Variants in HNRNPLL observed in about 807,000 individuals in gnomAD.
HNRNPLL encodes the protein heterogeneous nuclear ribonucleoprotein L like.
A neutral mutation model predicts 67.1 loss-of-function variants in HNRNPLL; 25 were observed. The ratio of observed to expected loss-of-function variants is 0.37; its 90% CI spans 0.27 to 0.52. HNRNPLL has a LOEUF of 0.52. HNRNPLL is among the 20% of genes least tolerant of loss of function. The probability of loss-of-function intolerance (pLI) is 0.90; values close to 1 mark genes in which losing one functional copy is unlikely to be tolerated. For missense variants in HNRNPLL, 542 were observed against 673.9 expected (o/e 0.80, Z 2.17); for synonymous variants, 267 against 241.7 (o/e 1.10, Z -0.97).
chr2:38,574,753 T>C (rs1420533878), intron 7 of HNRNPLL, among the ~76,000 whole-genome samples: 1 of 151,770 alleles, frequency 6.6e-6, no homozygotes, highest in African/African-American at 2.4e-5. Context: ...TCTCCTTAAA[T>C]TGGTCATGGA....
chr2:38,600,221 G>A (rs952248247), intron 1 of HNRNPLL, among the ~76,000 whole-genome samples: 3 of 152,022 alleles, frequency 2.0e-5, no homozygotes, highest in Admixed American at 6.6e-5. Context: ...CCTTTCCTAG[G>A]AAACATATCA....
intron 8 of HNRNPLL, among the ~76,000 whole-genome samples, chr2:38,571,230 C>T (rs1257702511): frequency 1.3e-5 from 2 of 152,082 alleles, no homozygotes; most frequent in African/African-American, 4.8e-5. Flanking sequence ...AATAGACTAA[C>T]AAAATAATAA....
chr2:38,569,055 G>A (rs1451133169), intron 10 of HNRNPLL, 78 bp downstream of exon 10: 20 of 1,012,316 alleles, frequency 2.0e-5, no homozygotes, highest in Middle Eastern at 2.5e-4. Context: ...TGAGCAAAAC[G>A]ACTTCAAAAT....
chr2:38,574,875 A>G (rs940572705), intron 7 of HNRNPLL, among the ~76,000 whole-genome samples: 1 of 151,898 alleles, frequency 6.6e-6, no homozygotes, highest in Non-Finnish European at 1.5e-5. Flanking sequence ...CCTCTAATTT[A>G]GACTCTCATA....
At chr2:38,574,662 A>G (rs920122374) in intron 7 of HNRNPLL, among the ~76,000 whole-genome samples, 1 of 151,828 alleles carries the variant, frequency 6.6e-6, no homozygotes, top group African/African-American at 2.4e-5. Context: ...CAACACAGTA[A>G]CACCACCACC....
chr2:38,591,730 C>T lies in HNRNPLL; in HGVS notation c.190-82G>A, dbSNP rs571149858. ...GTGGCTCACGCCTGTAATCCCTGCA[C>T]TTTGGGAGGTCAAAGTGGGAGGGTC... is the stretch of plus-strand genomic sequence containing the variant. On this transcript the variant is annotated intron_variant, in intron 1 of 12. Coordinates refer to ENST00000449105, the MANE Select transcript of HNRNPLL (RefSeq NM_138394.4). 9.1e-5 allele frequency: 73 copies of T among 800,004 alleles called. 1 individual carries two copies. Among genetic ancestry groups the T allele is most frequent in the Non-Finnish European group, 1.4e-4 (68 of 484,824 alleles). 49.6% of individuals were successfully genotyped at this position (800,004 alleles called of 1,614,324 possible). A position where few individuals can be genotyped will look rare whatever the true frequency, so the allele number is the denominator to read the frequency against.
chr2:38,577,566 T>C (rs758515947), intron 6 of HNRNPLL, 34 bp from the exon 7 acceptor site: 3 of 1,401,290 alleles, frequency 2.1e-6, no homozygotes, highest in Non-Finnish European at 3.0e-6. Flanking sequence ...TTTTAACAAT[T>C]TTGACCCAAG....
intron 1 of HNRNPLL, among the ~76,000 whole-genome samples, chr2:38,595,736 T>C (rs1052961186): frequency 2.1e-4 from 32 of 152,014 alleles, no homozygotes; most frequent in South Asian, 4.1e-4. Context: ...CCCAGCTACT[T>C]GGAAGGCTGA....
At chr2:38,571,868 A>G (rs1437323795) in intron 8 of HNRNPLL, among the ~76,000 whole-genome samples, 1 of 152,192 alleles carries the variant, frequency 6.6e-6, no homozygotes, top group Non-Finnish European at 1.5e-5. Flanking sequence ...CAAAAAATCT[A>G]AGTTTTATTA....
rs1665721399 is a variant in HNRNPLL, at chr2:38,563,052, C to G, written c.*1130G>C. The G allele has an allele frequency of 6.6e-6, 1 of 152,012 alleles. No homozygotes were observed. The highest frequency in any genetic ancestry group is 2.1e-4 in the South Asian group (1 of 4,818). The allele number at this position is 152,012 out of a possible 1,614,324, so 9.4% of individuals were successfully genotyped here. ...AAAGATGAAAACAAAATGGCCACATCAGTTTTTCTATTGTAAAAAAGCTGT... is the reference window on the plus strand; with the variant it reads ...AAAGATGAAAACAAAATGGCCACATGAGTTTTTCTATTGTAAAAAAGCTGT... On this transcript the variant is annotated 3_prime_UTR_variant, in exon 13 of 13. Transcript: ENST00000449105.
rs192913354 is a variant in HNRNPLL, at chr2:38,596,526, G to C, written c.190-4878C>G. ...ACCTGCCTCAGCCTCCCGAAGTGTT[G>C]GGATTACAGCTGTGAGCCACCGCGC... On this transcript the variant is annotated intron_variant, in intron 1 of 12. Coordinates refer to ENST00000449105, the MANE Select transcript of HNRNPLL (RefSeq NM_138394.4). Among the ~76,000 whole-genome samples the C allele has an allele frequency of 3.3e-3, 508 of 152,208 alleles. 3 individuals carry two copies. The highest frequency in any genetic ancestry group is 0.012 in the African/African-American group (480 of 41,532).
chr2:38,587,093 A>C (rs1335685586), intron 2 of HNRNPLL, among the ~76,000 whole-genome samples: 1 of 152,172 alleles, frequency 6.6e-6, no homozygotes, highest in Non-Finnish European at 1.5e-5. Flanking sequence ...AGGCCAAAGA[A>C]ATGTCGGGTC....
At position 38,596,236 on chromosome 2, in the gene HNRNPLL, G is replaced by T. The variant is rs115303151; in HGVS notation, c.190-4588C>A. Among the ~76,000 whole-genome samples, 991 of 152,104 alleles carry T rather than the reference G, an allele frequency of 6.5e-3. 11 individuals are homozygous for T. Among genetic ancestry groups the T allele is most frequent in the African/African-American group, 0.021 (875 of 41,490 alleles). On this transcript the variant is annotated intron_variant, in intron 1 of 12. Transcript: ENST00000449105. ...ACTTCTTTACCTGTACTATATACTG[G>T]TGACAAGAAATCTGGTGTCATTTGT...
intron 1 of HNRNPLL, among the ~76,000 whole-genome samples, chr2:38,591,857 T>C (rs1666970167): frequency 6.6e-6 from 1 of 151,988 alleles, no homozygotes; most frequent in African/African-American, 2.4e-5. Context: ...GTGTCTGTAA[T>C]CCCAGCTACT....
chr2:38,588,486 T>A (rs1199205387), intron 2 of HNRNPLL, among the ~76,000 whole-genome samples: 2 of 141,054 alleles, frequency 1.4e-5, no homozygotes, highest in Non-Finnish European at 1.5e-5. Context: ...AGGGCAGAGG[T>A]TGCAGTGAGC....
chr2:38,602,873 C>T lies in HNRNPLL; in HGVS notation c.-247G>A, dbSNP rs1667512120. The T allele has an allele frequency of 7.7e-6, 12 of 1,549,274 alleles. No individual in the cohort carries two copies. The highest frequency in any genetic ancestry group is 1.0e-5 in the Non-Finnish European group (12 of 1,146,208). On this transcript the variant is annotated 5_prime_UTR_variant, in exon 1 of 13. Coordinates refer to ENST00000449105, the MANE Select transcript of HNRNPLL (RefSeq NM_138394.4). ...CTCAATTACCGAGCCAACATTCAGCCTCTCCCTCCTCCTCCTCCGTCTCCG... is the reference window on the plus strand; with the variant it reads ...CTCAATTACCGAGCCAACATTCAGCTTCTCCCTCCTCCTCCTCCGTCTCCG...
chr2:38,589,417 T>C (rs2148372602), intron 2 of HNRNPLL, among the ~76,000 whole-genome samples: 1 of 152,354 alleles, frequency 6.6e-6, no homozygotes, highest in East Asian at 1.9e-4. Context: ...TTGGAAGCTG[T>C]TCAAGGTTCT....
chr2:38,584,902 G>T (rs1008395306), intron 3 of HNRNPLL, among the ~76,000 whole-genome samples: 2 of 151,456 alleles, frequency 1.3e-5, no homozygotes, highest in African/African-American at 4.8e-5. Context: ...TCCCAACACC[G>T]AATATTATAA....
intron 1 of HNRNPLL, among the ~76,000 whole-genome samples, chr2:38,596,962 T>C (rs1667219555): frequency 6.6e-6 from 1 of 152,226 alleles, no homozygotes; most frequent in South Asian, 2.1e-4. Flanking sequence ...CCAGTCTACT[T>C]ACAGACATTT....
Sources: gnomAD v4.1 joint callset for allele counts (sites outside exome capture counted in the v4.1 genomes callset) on GRCh38, gnomAD v4.1.1 for gene constraint, MANE v1.5 for transcripts, NCBI Gene and HGNC (gene_info 2026-07-23, HGNC 2026-07-21) for gene names.